The following RPTOR variants were observed in gnomAD, a reference collection of about 807,000 sequenced individuals.
RPTOR encodes regulatory associated protein of MTOR complex 1.
Under a neutral mutation model 169.9 loss-of-function variants are expected in RPTOR, and 21 were observed. That is an observed-to-expected ratio of 0.12 (90% confidence interval 0.09 to 0.18). The LOEUF (loss-of-function observed/expected upper bound fraction) is 0.18. Ranked by LOEUF, RPTOR falls within the 10% of genes least tolerant of loss-of-function variation. The pLI, the probability that RPTOR is intolerant of heterozygous loss-of-function variation, is 1.00. For missense variants in RPTOR, 1,133 were observed against 1,855.9 expected, an observed-to-expected ratio of 0.61 and a Z score of 7.16; for synonymous variants, 732 against 753.2, an observed-to-expected ratio of 0.97 and a Z score of 0.46.
intron 2 of RPTOR, among the ~76,000 whole-genome samples, chr17:80,638,875 T>C (rs2065530037): frequency 6.6e-6 from 1 of 152,098 alleles, no homozygotes; most frequent in Non-Finnish European, 1.5e-5. Flanking sequence ...ATGTGAGGAG[T>C]GAGGCCTAGT....
intron 4 of RPTOR, among the ~76,000 whole-genome samples, chr17:80,712,863 G>A (rs1189932594): frequency 6.6e-6 from 1 of 152,176 alleles, no homozygotes; most frequent in East Asian, 1.9e-4. Context: ...AGCCATTCTG[G>A]TGGGTATGTA....
chr17:80,827,432 G>A (rs1249373337), intron 9 of RPTOR, among the ~76,000 whole-genome samples: 5 of 152,202 alleles, frequency 3.3e-5, no homozygotes, highest in East Asian at 1.9e-4. Flanking sequence ...GAGACCACCC[G>A]CCGTCCCCAC....
At chr17:80,690,638 C>T (rs1045032812) in intron 3 of RPTOR, among the ~76,000 whole-genome samples, 10 of 145,636 alleles carry the variant, frequency 6.9e-5, no homozygotes, top group South Asian at 2.3e-4. Context: ...TGGACACAGC[C>T]GGGCTCCCCT....
chr17:80,855,436 T>C (rs767939449), intron 11 of RPTOR, 28 bp from the exon 12 acceptor site: 7 of 1,562,924 alleles, frequency 4.5e-6, no homozygotes, highest in Non-Finnish European at 2.6e-6. Context: ...TGGTTTGCAG[T>C]GATACCATTT....
At chr17:80,905,828 G>T (rs1207689764) in intron 20 of RPTOR, among the ~76,000 whole-genome samples, 1 of 152,158 alleles carries the variant, frequency 6.6e-6, no homozygotes, top group African/African-American at 2.4e-5. Flanking sequence ...GCCTCCTGCC[G>T]TGCCTGCCCT....
chr17:80,843,080 G>T (rs930156510), intron 10 of RPTOR, among the ~76,000 whole-genome samples: 1 of 152,138 alleles, frequency 6.6e-6, no homozygotes, highest in Non-Finnish European at 1.5e-5. Flanking sequence ...GTTACTTTTG[G>T]TCCTTTGCAT....
chr17:80,548,078 C>CT lies in RPTOR; in HGVS notation c.162+2308dup, dbSNP rs55928458. 1.2e-3 allele frequency among the ~76,000 whole-genome samples: 119 copies of CT among 102,738 alleles called. 1 individual carries two copies. Among genetic ancestry groups the CT allele is most frequent in the Admixed American group, 1.9e-3 (19 of 9,862 alleles). The allele number at this position is 102,738 out of a possible 152,430, so 67.4% of individuals were successfully genotyped here. The stretch of plus-strand genomic sequence containing the variant: ...CCATTTGTGGAGTGTTTTTCTGTTT[C>CT]TTTTTTTTTTTTTTTTTTTTTGAGA... On this transcript the variant is annotated intron_variant, in intron 1 of 33. Transcript: ENST00000306801.
intron 1 of RPTOR, among the ~76,000 whole-genome samples, chr17:80,603,568 A>G (rs1415082960): frequency 6.6e-6 from 1 of 152,104 alleles, no homozygotes; most frequent in Non-Finnish European, 1.5e-5. Flanking sequence ...TACTGGGAGT[A>G]CTCACAGGAC....
intron 1 of RPTOR, among the ~76,000 whole-genome samples, chr17:80,554,767 A>C (rs1286886895): frequency 8.4e-6 from 1 of 118,650 alleles, no homozygotes; most frequent in African/African-American, 3.0e-5. Flanking sequence ...ACAAAACAAA[A>C]CAAACAACAA....
At chr17:80,631,806 A>G (rs918307768) in intron 2 of RPTOR, among the ~76,000 whole-genome samples, 1 of 152,166 alleles carries the variant, frequency 6.6e-6, no homozygotes, top group Non-Finnish European at 1.5e-5. Context: ...TTGAGATGAC[A>G]GGCATGCCTG....
chr17:80,547,337 T>C (rs1408971783), intron 1 of RPTOR, among the ~76,000 whole-genome samples: 1 of 152,154 alleles, frequency 6.6e-6, no homozygotes, highest in African/African-American at 2.4e-5. Context: ...TGGAGGGCAG[T>C]TTTTTTGTTG....
In RPTOR at chr17:80,759,026, G is replaced by A. The variant is rs368224157; in HGVS notation, c.830+4841G>A. On this transcript the variant is annotated intron_variant, in intron 6 of 33. Coordinates refer to ENST00000306801, the MANE Select transcript of RPTOR (RefSeq NM_020761.3). ...TTTGTTTTTCTGCCATGAGTGGGAAGGACTTGGCTTCCCTCCGCGCACAGC... is the reference window on the plus strand; with the variant it reads ...TTTGTTTTTCTGCCATGAGTGGGAAAGACTTGGCTTCCCTCCGCGCACAGC... Among the ~76,000 whole-genome samples, 29 of 151,754 alleles carry A rather than the reference G, an allele frequency of 1.9e-4. No individual in the cohort carries two copies. The South Asian group carries it at 2.5e-3, about 13-fold the overall frequency.
At chr17:80,930,201 C>G (rs1368730335) in intron 24 of RPTOR, among the ~76,000 whole-genome samples, 12 of 100,182 alleles carry the variant, frequency 1.2e-4, no homozygotes, top group African/African-American at 1.8e-4. Flanking sequence ...TCATGCCCAG[C>G]TCATCCCCAG....
chr17:80,966,120 C>T lies in RPTOR; in HGVS notation c.*1790C>T, dbSNP rs2069427521. On this transcript the variant is annotated 3_prime_UTR_variant, in exon 34 of 34. Transcript: ENST00000306801. ...AGGTGGCTCCAGAGGGGTCAAGACC[C>T]CCCCCCGCCCCCGCTCCACCCTGGA... 4.6e-6 allele frequency: 1 copy of T among 218,680 alleles called. No homozygotes were observed. Among genetic ancestry groups the T allele is most frequent in the Non-Finnish European group, 9.0e-6 (1 of 110,662 alleles). The allele number at this position is 218,680 out of a possible 1,614,324, so 13.5% of individuals were successfully genotyped here.
In RPTOR at chr17:80,721,666, T is replaced by C. The variant is rs561057798; in HGVS notation, c.508-8894T>C. Among the ~76,000 whole-genome samples the C allele has an allele frequency of 2.4e-4, 36 of 151,414 alleles. 3 individuals are homozygous for C. The highest frequency in any genetic ancestry group is 8.1e-4 in the African/African-American group (33 of 40,742). ...CTTCCTCAGGGTACTCGGGCTTATT[T>C]TGGTAGTCATACACATGAAATGCAC... On this transcript the variant is annotated intron_variant, in intron 4 of 33. Transcript: ENST00000306801. The surrounding 1 kb of genome is among the most constrained non-coding windows in gnomAD (Gnocchi z 4.7).
chr17:80,756,273 A>G (rs1278974489), intron 6 of RPTOR, among the ~76,000 whole-genome samples: 2 of 152,228 alleles, frequency 1.3e-5, no homozygotes, highest in Admixed American at 6.5e-5. Context: ...TGGCACAGCA[A>G]GAAGGTCCTT....
chr17:80,783,826 A>G (rs11150745), intron 6 of RPTOR, among the ~76,000 whole-genome samples: 34,642 of 152,252 alleles, frequency 0.23, 4,795 homozygotes, highest in Non-Finnish European at 0.31. Context: ...ATGAAATAGC[A>G]AACTCTTGCA....
intron 21 of RPTOR, among the ~76,000 whole-genome samples, chr17:80,913,114 T>C (rs2068632174): frequency 6.6e-6 from 1 of 152,202 alleles, no homozygotes; most frequent in Non-Finnish European, 1.5e-5. Flanking sequence ...CTTTCTTGTC[T>C]TCATTTTAAT....
intron 7 of RPTOR, among the ~76,000 whole-genome samples, chr17:80,796,170 T>C (rs2067099641): frequency 6.6e-6 from 1 of 152,186 alleles, no homozygotes; most frequent in African/African-American, 2.4e-5. Context: ...GTATTAGGGT[T>C]CTCTAGAGGG....
Sources: gnomAD v4.1 joint callset for allele counts (sites outside exome capture counted in the v4.1 genomes callset) on GRCh38, gnomAD v4.1.1 for gene constraint, Gnocchi (gnomAD v3.1) non-coding constraint, MANE v1.5 for transcripts, NCBI Gene and HGNC (gene_info 2026-07-23, HGNC 2026-07-21) for gene names.